The following ZFPM1 variants were observed in gnomAD, a reference collection of about 807,000 sequenced individuals.
ZFPM1 encodes zinc finger protein ZFPM1.
ZFPM1 carries 28 observed loss-of-function variants against 46.3 expected under a neutral mutation model. The ratio of observed to expected loss-of-function variants is 0.60; its 90% confidence interval spans 0.45 to 0.83. The LOEUF is 0.83. ZFPM1 is among the 40% of genes least tolerant of loss of function. ZFPM1 has a pLI of 0.00. For synonymous variants in ZFPM1, 957 were observed against 675.9 expected (o/e 1.42, Z -6.45); for missense variants, 1,878 against 1,432.4 (o/e 1.31, Z -5.02).
At chr16:88,524,660 A>G (rs1311894583) in intron 4 of ZFPM1, among the ~76,000 whole-genome samples, 1 of 152,266 alleles carries the variant, frequency 6.6e-6, no homozygotes. Flanking sequence ...CCTGCCAGGC[A>G]GGCAAAAAGC....
At chr16:88,511,805 T>C (rs1157856592) in intron 3 of ZFPM1, among the ~76,000 whole-genome samples, 2 of 152,052 alleles carry the variant, frequency 1.3e-5, no homozygotes, top group African/African-American at 2.4e-5. Flanking sequence ...TCAGCCATGC[T>C]CCCCTTACCA....
intron 1 of ZFPM1, among the ~76,000 whole-genome samples, chr16:88,477,802 G>T (rs1908752646): frequency 6.6e-6 from 1 of 152,276 alleles, no homozygotes; most frequent in South Asian, 2.1e-4. Context: ...CTCACTGGGA[G>T]TGAGTCAGGG....
At position 88,535,873 on chromosome 16, in the gene ZFPM1, C is replaced by G. The variant is rs530010079; in HGVS notation, c.*894C>G. The G allele has an allele frequency of 6.7e-6, 1 of 148,968 alleles. No homozygotes were observed. The highest frequency in any genetic ancestry group is 2.4e-5 in the African/African-American group (1 of 40,860). The allele number at this position is 148,968 out of a possible 1,614,324, so 9.2% of individuals were successfully genotyped here. A position where few individuals can be genotyped will look rare whatever the true frequency, so the allele number is the denominator to read the frequency against. ...GGCTGACCGCGTTCAGCCACGGTGT[C>G]ACCGTGCCGTTTGCAGCTGGGTGGC... is the stretch of plus-strand genomic sequence containing the variant. On this transcript the variant is annotated 3_prime_UTR_variant, in exon 10 of 10. Coordinates refer to ENST00000319555, the MANE Select transcript of ZFPM1 (RefSeq NM_153813.3).
chr16:88,501,325 A>T (rs368063643), intron 3 of ZFPM1, among the ~76,000 whole-genome samples: 7 of 74,774 alleles, frequency 9.4e-5, no homozygotes, highest in South Asian at 4.0e-4. Flanking sequence ...GAGATAGCAG[A>T]CATGGGTGCG....
At chr16:88,512,563 C>A (rs1344447547) in intron 3 of ZFPM1, among the ~76,000 whole-genome samples, 3 of 152,028 alleles carry the variant, frequency 2.0e-5, no homozygotes, top group Non-Finnish European at 2.9e-5. Flanking sequence ...CCCCCCAGGC[C>A]CCAGCAGGAG....
In ZFPM1 at chr16:88,497,098, G is replaced by A. The variant is rs1014553751; in HGVS notation, c.268+7945G>A. Among the ~76,000 whole-genome samples the A allele has an allele frequency of 1.3e-5, 2 of 152,246 alleles. No homozygotes were observed. The highest frequency in any genetic ancestry group is 4.8e-5 in the African/African-American group (2 of 41,458). On this transcript the variant is annotated intron_variant, in intron 3 of 9. Transcript: ENST00000319555. This position sits in a 1 kb window ranked among gnomAD's most constrained non-coding sequence, Gnocchi z 5.4. The stretch of plus-strand genomic sequence containing the variant: ...ACCACTATGGACAAGGTGAATTCCA[G>A]CTGATCACACAAGTCGTGACTTTTC...
chr16:88,494,133 T>C (rs1909788947), intron 3 of ZFPM1, among the ~76,000 whole-genome samples: 2 of 152,060 alleles, frequency 1.3e-5, no homozygotes, highest in Non-Finnish European at 2.9e-5. Context: ...CTGCAGGCCT[T>C]GAGCTTGTCG....
chr16:88,501,585 T>C (rs1910324570), intron 3 of ZFPM1, among the ~76,000 whole-genome samples: 2 of 117,010 alleles, frequency 1.7e-5, no homozygotes, highest in Non-Finnish European at 3.7e-5. Context: ...CGGGTGTGGG[T>C]GCATGGGCTC....
chr16:88,533,605 G>A lies in ZFPM1; in HGVS notation c.1647G>A (p.Leu549=), dbSNP rs769329628. 2.0e-6 allele frequency: 3 copies of A among 1,489,602 alleles called. No homozygotes were observed. The East Asian group carries it at 8.6e-5, about 43-fold the overall frequency. The allele number at this position is 1,489,602 out of a possible 1,614,324, so 92.3% of individuals were successfully genotyped here. Residue 549 remains leucine (L), a synonymous_variant, in exon 10 of 10, where the codon CTG becomes CTA. Coordinates refer to ENST00000319555, the MANE Select transcript of ZFPM1 (RefSeq NM_153813.3). ...ASEILAKMSE[L]VHSRLQQGAG... ...AGATCCTGGCCAAGATGTCCGAGCT[G>A]GTGCACAGCCGGCTGCAGCAGGGCG...
At chr16:88,475,211 G>A (rs1311133183) in intron 1 of ZFPM1, among the ~76,000 whole-genome samples, 1 of 152,260 alleles carries the variant, frequency 6.6e-6, no homozygotes, top group Admixed American at 6.5e-5. Flanking sequence ...GGACGCTCCC[G>A]TGGGGTGTCG....
rs768127441 is a variant in ZFPM1, at chr16:88,533,996, C to A, written c.2038C>A (p.Pro680Thr). 2 of 1,373,238 alleles carry A rather than the reference C, an allele frequency of 1.5e-6. No homozygotes were observed. The highest frequency in any genetic ancestry group is 1.9e-6 in the Non-Finnish European group (2 of 1,047,784). 85.1% of individuals were successfully genotyped at this position (1,373,238 alleles called of 1,614,324 possible). A position where few individuals can be genotyped will look rare whatever the true frequency, so the allele number is the denominator to read the frequency against. Residue 680 changes from proline to threonine, a missense_variant, in exon 10 of 10, where the codon CCC (proline) becomes ACC (threonine). Coordinates refer to ENST00000319555, the MANE Select transcript of ZFPM1 (RefSeq NM_153813.3). ...GSSVDDAEDDPSRTLCEACNI... is the reference protein window; with the variant it reads ...GSSVDDAEDDTSRTLCEACNI... ...CTCCGTGGACGACGCGGAGGACGAC[C>A]CCAGCCGCACGCTGTGCGAGGCCTG...
At chr16:88,483,100 C>T (rs1909031523) in intron 1 of ZFPM1, among the ~76,000 whole-genome samples, 1 of 152,152 alleles carries the variant, frequency 6.6e-6, no homozygotes, top group African/African-American at 2.4e-5. Flanking sequence ...TGAGCCCTCG[C>T]CTGGGGCTGG....
intron 3 of ZFPM1, among the ~76,000 whole-genome samples, chr16:88,502,885 G>A (rs1910446869): frequency 6.6e-6 from 1 of 151,536 alleles, no homozygotes; most frequent in Non-Finnish European, 1.5e-5. Context: ...GTGGGTCTCT[G>A]CACACACGGT....
intron 1 of ZFPM1, among the ~76,000 whole-genome samples, chr16:88,460,427 C>T (rs1352810442): frequency 1.3e-5 from 2 of 152,216 alleles, no homozygotes; most frequent in African/African-American, 4.8e-5. Flanking sequence ...GCCCTCCCTG[C>T]CTCGGTTGGT....
In ZFPM1 at chr16:88,528,160, C is replaced by A; in HGVS notation, c.634C>A (p.Pro212Thr). Residue 212 changes from proline to threonine, a missense_variant, in exon 6 of 10, where the codon CCG (proline) becomes ACG (threonine). Pro to Thr is a conservative substitution (Grantham distance 38). Transcript: ENST00000319555. The stretch of plus-strand genomic sequence containing the variant: ...GAAGGAGCCAGCAGAGCCCACGTGC[C>A]CGGCCCCTGCACACGACCTCCAGCT... ...VKKEPAEPTC[P>T]APAHDLQLLP... 1.2e-6 allele frequency: 2 copies of A among 1,609,114 alleles called. No homozygotes were observed. Among genetic ancestry groups the A allele is most frequent in the Non-Finnish European group, 1.7e-6 (2 of 1,178,920 alleles).
At chr16:88,514,850 C>A (rs1911195694) in intron 4 of ZFPM1, among the ~76,000 whole-genome samples, 2 of 152,194 alleles carry the variant, frequency 1.3e-5, no homozygotes, top group African/African-American at 4.8e-5. Context: ...TGGCCCAGGC[C>A]TTGGGGTACT....
intron 4 of ZFPM1, among the ~76,000 whole-genome samples, chr16:88,521,067 G>A: frequency 9.6e-6 from 1 of 104,400 alleles, no homozygotes; most frequent in Non-Finnish European, 2.2e-5. Flanking sequence ...GGGAGGGTGG[G>A]TGGGTGGATG....
intron 6 of ZFPM1, among the ~76,000 whole-genome samples, chr16:88,529,203 C>T (rs934834497): frequency 3.3e-5 from 5 of 152,228 alleles, no homozygotes; most frequent in Admixed American, 6.5e-5. Context: ...TGGACAGGCA[C>T]GAGTCACGCA....
chr16:88,501,834 G>A (rs376051634), intron 3 of ZFPM1, among the ~76,000 whole-genome samples: 5 of 152,214 alleles, frequency 3.3e-5, no homozygotes, highest in South Asian at 4.1e-4. Context: ...GTGGGCGTGG[G>A]TGCAGGGCCC....
Sources: gnomAD v4.1 joint callset for allele counts (sites outside exome capture counted in the v4.1 genomes callset) on GRCh38, gnomAD v4.1.1 for gene constraint, Gnocchi (gnomAD v3.1) non-coding constraint, MANE v1.5 for transcripts, NCBI Gene and HGNC (gene_info 2026-07-23, HGNC 2026-07-21) for gene names.